The following JPH3 variants were observed in gnomAD, a reference collection of about 807,000 sequenced individuals.
JPH3 encodes junctophilin 3.
In JPH3, 11 loss-of-function variants were observed where a neutral mutation model predicts 59.6. The observed-to-expected ratio is 0.18, with a 90% CI of 0.12 to 0.31. The LOEUF is 0.31. Ranked by LOEUF, JPH3 falls within the 10% of genes least tolerant of loss-of-function variation. The pLI, the probability that JPH3 is intolerant of heterozygous loss-of-function variation, is 1.00. For missense variants in JPH3, 1,202 were observed against 1,105.7 expected, an observed-to-expected ratio of 1.09 and a Z score of -1.24; for synonymous variants, 673 against 483.6, an observed-to-expected ratio of 1.39 and a Z score of -5.14.
At chr16:87,660,076 AAGC>A (rs2032652176) in intron 2 of JPH3, among the ~76,000 whole-genome samples, 1 of 152,060 alleles carries the variant, frequency 6.6e-6, no homozygotes, top group Admixed American at 6.5e-5. Context: ...AACCCTGGGA[AAGC>A]AGCGTCACCT....
At chr16:87,647,472 C>T (rs74039405) in intron 2 of JPH3, among the ~76,000 whole-genome samples, 18,007 of 152,194 alleles carry the variant, frequency 0.12, 1,215 homozygotes, top group Middle Eastern at 0.16. Context: ...CCCCTGCCAA[C>T]CCCCCGACAG....
chr16:87,668,689 T>C (rs949461812), intron 2 of JPH3, among the ~76,000 whole-genome samples: 5 of 152,202 alleles, frequency 3.3e-5, no homozygotes, highest in African/African-American at 1.2e-4. Flanking sequence ...AGATACCTCA[T>C]CTGGTTCCAT....
At chr16:87,620,593 C>T (rs532886870) in intron 1 of JPH3, among the ~76,000 whole-genome samples, 28 of 152,004 alleles carry the variant, frequency 1.8e-4, no homozygotes, top group African/African-American at 5.8e-4. Context: ...GGGGGACGTG[C>T]GTTGTTCCTC....
At chr16:87,628,738 G>A (rs1425885272) in intron 1 of JPH3, among the ~76,000 whole-genome samples, 1 of 152,156 alleles carries the variant, frequency 6.6e-6, no homozygotes, top group Non-Finnish European at 1.5e-5. Flanking sequence ...TGTGGTGAGT[G>A]GCCTTGGAGG....
intron 1 of JPH3, among the ~76,000 whole-genome samples, chr16:87,610,189 G>A (rs2030679424): frequency 6.6e-6 from 1 of 152,224 alleles, no homozygotes; most frequent in African/African-American, 2.4e-5. Flanking sequence ...GAGAGCGGCT[G>A]TAAATACAGA....
chr16:87,637,569 T>G (rs533607391), intron 1 of JPH3, among the ~76,000 whole-genome samples: 1 of 152,250 alleles, frequency 6.6e-6, no homozygotes, highest in African/African-American at 2.4e-5. Flanking sequence ...TGCGCTGACG[T>G]GGAGTCCGAA....
chr16:87,604,692 C>G, intron 1 of JPH3: 1 of 1,140,246 alleles, frequency 8.8e-7, no homozygotes, highest in Non-Finnish European at 1.1e-6. Flanking sequence ...GCTCGGAACA[C>G]CTGCTCCACG....
chr16:87,684,706 C>T (rs907919418), intron 3 of JPH3, among the ~76,000 whole-genome samples: 2 of 152,248 alleles, frequency 1.3e-5, no homozygotes, highest in African/African-American at 4.8e-5. Flanking sequence ...TGTGAACTAA[C>T]TTACCATTAA....
chr16:87,647,993 G>T (rs1415955042), intron 2 of JPH3, among the ~76,000 whole-genome samples: 1 of 152,186 alleles, frequency 6.6e-6, no homozygotes, highest in Non-Finnish European at 1.5e-5. Flanking sequence ...GGGGGGCGGG[G>T]CTCCCTGCTC....
chr16:87,655,815 G>T (rs1267518004), intron 2 of JPH3, among the ~76,000 whole-genome samples: 1 of 152,238 alleles, frequency 6.6e-6, no homozygotes, highest in Non-Finnish European at 1.5e-5. Flanking sequence ...CGTCTGCTCT[G>T]CCCACCTCGT....
intron 2 of JPH3, among the ~76,000 whole-genome samples, chr16:87,680,501 A>C (rs750068932): frequency 9.2e-5 from 14 of 152,240 alleles, no homozygotes; most frequent in Non-Finnish European, 1.5e-4. Flanking sequence ...AGGGCCAGGC[A>C]GGGCAAGAAC....
At chr16:87,683,461 C>T (rs964401612) in intron 2 of JPH3, among the ~76,000 whole-genome samples, 7 of 152,048 alleles carry the variant, frequency 4.6e-5, no homozygotes, top group Non-Finnish European at 1.0e-4. Context: ...CGTGCCACAA[C>T]ACCCGGCTAA....
In JPH3 at chr16:87,644,315, G is replaced by C. The variant is rs2032058142; in HGVS notation, c.440G>C (p.Ser147Thr). 6.2e-7 allele frequency: 1 copy of C among 1,612,742 alleles called. No homozygotes were observed. The highest frequency in any genetic ancestry group is 1.3e-5 in the African/African-American group (1 of 74,950). Residue 147 changes from serine (S) to threonine (T), a missense_variant, in exon 2 of 5, where the codon AGC becomes ACC. Transcript: ENST00000284262. ...GMRQGYGVRQ[S>T]VPYGMAAVIR... ...CGCCAGGGCTACGGCGTCCGGCAGA[G>C]CGTCCCGTATGGCATGGCCGCGGTC...
intron 2 of JPH3, among the ~76,000 whole-genome samples, chr16:87,673,851 G>A (rs999184252): frequency 1.2e-4 from 18 of 152,006 alleles, no homozygotes; most frequent in African/African-American, 4.1e-4. Context: ...GCTTGAACCT[G>A]GGAGGCAGAG....
chr16:87,680,953 CAT>C (rs1315845402), intron 2 of JPH3, among the ~76,000 whole-genome samples: 1 of 152,020 alleles, frequency 6.6e-6, no homozygotes, highest in Admixed American at 6.5e-5. Context: ...GGGAGTTTCC[CAT>C]TTGGTCCCTC....
chr16:87,676,385 C>T (rs1045529866), intron 2 of JPH3, among the ~76,000 whole-genome samples: 1 of 152,178 alleles, frequency 6.6e-6, no homozygotes, highest in African/African-American at 2.4e-5. Context: ...TCAGACTCTT[C>T]TTCAGGTTTA....
intron 2 of JPH3, among the ~76,000 whole-genome samples, chr16:87,656,371 A>T (rs2032502154): frequency 6.6e-6 from 1 of 152,184 alleles, no homozygotes. Flanking sequence ...AGCTCTAAAC[A>T]CCAGAGTGGC....
chr16:87,677,224 AC>A (rs57527790), intron 2 of JPH3, among the ~76,000 whole-genome samples: 2,276 of 122,440 alleles, frequency 0.019, 33 homozygotes, highest in Middle Eastern at 0.026. Flanking sequence ...ACACACACAC[AC>A]AAAAAAAAAA....
At chr16:87,647,772 G>A (rs1329405251) in intron 2 of JPH3, among the ~76,000 whole-genome samples, 1 of 152,212 alleles carries the variant, frequency 6.6e-6, no homozygotes, top group Non-Finnish European at 1.5e-5. Context: ...GAGCCAGGGT[G>A]TACGGCTGCA....
Sources: gnomAD v4.1 joint callset for allele counts (sites outside exome capture counted in the v4.1 genomes callset) on GRCh38, gnomAD v4.1.1 for gene constraint, MANE v1.5 for transcripts, NCBI Gene and HGNC (gene_info 2026-07-23, HGNC 2026-07-21) for gene names.